The following DIAPH2 variants were observed in gnomAD, a reference collection of about 807,000 sequenced individuals.
DIAPH2 encodes the protein protein diaphanous homolog 2.
Under a neutral mutation model 92.7 loss-of-function variants are expected in DIAPH2, and 35 were observed. The ratio of observed to expected loss-of-function variants is 0.38; its 90% confidence interval spans 0.29 to 0.50. DIAPH2 has a LOEUF of 0.50. DIAPH2 is among the 20% of genes least tolerant of loss of function. The probability of loss-of-function intolerance (pLI) is 0.94; values close to 1 mark genes in which losing one functional copy is unlikely to be tolerated. For synonymous variants in DIAPH2, 301 were observed against 280.4 expected, an observed-to-expected ratio of 1.07 and a Z score of -0.73; for missense variants, 701 against 819.5, an observed-to-expected ratio of 0.86 and a Z score of 1.77.
At chrX:96,825,563 A>G in intron 4 of DIAPH2, among the ~76,000 whole-genome samples, 1 of 110,790 alleles carries the variant, frequency 9.0e-6, no homozygotes, top group South Asian at 3.8e-4. Flanking sequence ...AGCTGTAATA[A>G]TCTTTTTTTC....
At chrX:97,040,799 A>G (rs2066443579) in intron 17 of DIAPH2, among the ~76,000 whole-genome samples, 1 of 110,369 alleles carries the variant, frequency 9.1e-6, no homozygotes, top group Admixed American at 9.7e-5. Context: ...TGTGCTATTC[A>G]TTTTTTAAAT....
At chrX:96,746,241 T>C (rs948338009) in intron 3 of DIAPH2, among the ~76,000 whole-genome samples, 1 of 112,134 alleles carries the variant, frequency 8.9e-6, no homozygotes, top group Non-Finnish European at 1.9e-5. Context: ...GAATATAAGC[T>C]CTTTATTAAG....
intron 3 of DIAPH2, among the ~76,000 whole-genome samples, chrX:96,749,205 A>G (rs2064171846): frequency 9.4e-6 from 1 of 106,651 alleles, no homozygotes; most frequent in South Asian, 4.1e-4. Flanking sequence ...TAAACATTAT[A>G]TACATGCATG....
chrX:97,077,240 G>T lies in DIAPH2; in HGVS notation c.2247+1979G>T, dbSNP rs774318886. The stretch of plus-strand genomic sequence containing the variant: ...TTACATGATTTTCTAGTCCCCAAGA[G>T]AGATGACTTCCCTCTGTCAGGAGAA... On this transcript the variant is annotated intron_variant, in intron 19 of 26. Transcript: ENST00000324765. 8.1e-5 allele frequency among the ~76,000 whole-genome samples: 9 copies of T among 111,452 alleles called. No individual in the cohort carries two copies. In the South Asian group the frequency reaches 3.4e-3, roughly 43 times the overall value.
chrX:97,395,578 A>AT (rs1225096700), intron 25 of DIAPH2, among the ~76,000 whole-genome samples: 4 of 110,656 alleles, frequency 3.6e-5, no homozygotes, highest in African/African-American at 9.9e-5. Context: ...GATTCTAGTT[A>AT]TTTTTTCCTG....
intron 4 of DIAPH2, among the ~76,000 whole-genome samples, chrX:96,812,230 C>T (rs986976358): frequency 8.9e-6 from 1 of 111,883 alleles, no homozygotes; most frequent in African/African-American, 3.2e-5. Flanking sequence ...GATTCAACTT[C>T]TTCCTGGTTT....
chrX:96,968,562 A>G (rs978715783), intron 17 of DIAPH2, among the ~76,000 whole-genome samples: 1 of 111,242 alleles, frequency 9.0e-6, no homozygotes, highest in Non-Finnish European at 1.9e-5. Flanking sequence ...TTCTTTGCCC[A>G]CTTTTTAATG....
At chrX:96,927,543 G>A (rs1249519272) in intron 9 of DIAPH2, among the ~76,000 whole-genome samples, 3 of 111,257 alleles carry the variant, frequency 2.7e-5, no homozygotes, top group Non-Finnish European at 5.7e-5. Context: ...GCTATCCAAT[G>A]TGGTAGCTAC....
intron 26 of DIAPH2, among the ~76,000 whole-genome samples, chrX:97,494,175 C>T (rs921473406): frequency 5.7e-5 from 6 of 105,629 alleles, no homozygotes; most frequent in Non-Finnish European, 9.7e-5. Context: ...AAAAATTAGC[C>T]GGGCATGGTG....
At chrX:97,210,963 T>C (rs1298357970) in intron 22 of DIAPH2, among the ~76,000 whole-genome samples, 2 of 112,167 alleles carry the variant, frequency 1.8e-5, no homozygotes, top group Non-Finnish European at 3.8e-5. Context: ...GCAAAGGAAA[T>C]GGACATGACA....
At chrX:97,439,313 A>G (rs2070227742) in intron 26 of DIAPH2, among the ~76,000 whole-genome samples, 1 of 111,196 alleles carries the variant, frequency 9.0e-6, no homozygotes, top group Non-Finnish European at 1.9e-5. Context: ...GGTGGTTCAC[A>G]CCTGTAATCC....
intron 4 of DIAPH2, among the ~76,000 whole-genome samples, chrX:96,765,193 GTTTTTTTTT>G (rs142407154): frequency 1.2e-5 from 1 of 83,266 alleles, no homozygotes; most frequent in Non-Finnish European, 2.3e-5. Flanking sequence ...ATATTCACAT[GTTTTTTTTT>G]TTTTTTTTTT....
At chrX:97,313,588 G>A (rs923912819) in intron 23 of DIAPH2, among the ~76,000 whole-genome samples, 2 of 111,256 alleles carry the variant, frequency 1.8e-5, no homozygotes, top group African/African-American at 3.3e-5. Context: ...TTGTCTTTAT[G>A]TTCTGTGATC....
intron 5 of DIAPH2, among the ~76,000 whole-genome samples, chrX:96,888,594 G>T (rs370059210): frequency 1.6e-4 from 7 of 42,575 alleles, no homozygotes; most frequent in African/African-American, 7.2e-4. Context: ...TATATATACA[G>T]ATATATATAT....
intron 25 of DIAPH2, among the ~76,000 whole-genome samples, chrX:97,390,242 C>T (rs1265468424): frequency 3.5e-5 from 2 of 57,219 alleles, no homozygotes; most frequent in Non-Finnish European, 5.9e-5. Flanking sequence ...TTTTTTGAGA[C>T]AGGGTCTCAC....
At chrX:96,793,908 A>G (rs2064519585) in intron 4 of DIAPH2, among the ~76,000 whole-genome samples, 1 of 112,182 alleles carries the variant, frequency 8.9e-6, no homozygotes, top group Non-Finnish European at 1.9e-5. Context: ...TTGAGGTGAG[A>G]CAGCTAGTAA....
intron 17 of DIAPH2, among the ~76,000 whole-genome samples, chrX:97,000,275 G>T (rs374038265): frequency 8.9e-6 from 1 of 111,982 alleles, no homozygotes; most frequent in East Asian, 2.8e-4. Context: ...AAAGAAATCA[G>T]TGATAGGAAT....
intron 19 of DIAPH2, among the ~76,000 whole-genome samples, chrX:97,087,772 A>G (rs902171830): frequency 1.3e-4 from 14 of 111,729 alleles, no homozygotes; most frequent in African/African-American, 4.5e-4. Flanking sequence ...CCATTTATCT[A>G]AAGAGAATTA....
Position 96,718,474 on chromosome X carries a change from C to T in DIAPH2, c.133-17284C>T, listed in dbSNP as rs766024362. On this transcript the variant is annotated intron_variant, in intron 1 of 26. Coordinates refer to ENST00000324765, the MANE Select transcript of DIAPH2 (RefSeq NM_006729.5). ...GTTCAAGCGATTCTCCTGCCTCAGC[C>T]TCCCAAGTAGCTGGGACTATAGGCG... is the stretch of plus-strand genomic sequence containing the variant. Among the ~76,000 whole-genome samples, 9 of 105,104 alleles carry T rather than the reference C, an allele frequency of 8.6e-5. No individual in the cohort carries two copies. The East Asian group carries it at 2.1e-3, about 25-fold the overall frequency. The allele number at this position is 105,104 out of a possible 115,157, so 91.3% of individuals were successfully genotyped here. A position where few individuals can be genotyped will look rare whatever the true frequency, so the allele number is the denominator to read the frequency against.
Sources: gnomAD v4.1 joint callset for allele counts (sites outside exome capture counted in the v4.1 genomes callset) on GRCh38, gnomAD v4.1.1 for gene constraint, MANE v1.5 for transcripts, NCBI Gene and HGNC (gene_info 2026-07-23, HGNC 2026-07-21) for gene names.